Variants in PDE10A observed in about 807,000 individuals in gnomAD.
PDE10A encodes the protein phosphodiesterase 10A.
Under a neutral mutation model 97.7 loss-of-function variants are expected in PDE10A, and 39 were observed. The ratio of observed to expected loss-of-function variants is 0.40; its 90% CI spans 0.31 to 0.52. PDE10A has a LOEUF of 0.52. Among genes scored for constraint, PDE10A ranks in the 20% least tolerant of loss-of-function variants. PDE10A has a pLI of 0.56. For synonymous variants in PDE10A, 371 were observed against 376.8 expected, an observed-to-expected ratio of 0.98 and a Z score of 0.18; for missense variants, 731 against 1,047.8, an observed-to-expected ratio of 0.70 and a Z score of 4.17.
At chr6:165,934,917 C>A (rs982723738) in intron 1 of PDE10A, among the ~76,000 whole-genome samples, 2 of 152,198 alleles carry the variant, frequency 1.3e-5, no homozygotes, top group African/African-American at 4.8e-5. Context: ...ATGGCACTAT[C>A]ATTTCCATTA....
At chr6:165,917,232 C>T (rs1421214339) in intron 1 of PDE10A, among the ~76,000 whole-genome samples, 1 of 152,166 alleles carries the variant, frequency 6.6e-6, no homozygotes, top group Non-Finnish European at 1.5e-5. Context: ...AAACCCTTCC[C>T]TAGGTGCCCG....
At chr6:165,647,649 C>T (rs1396671693) in intron 1 of PDE10A, among the ~76,000 whole-genome samples, 1 of 152,080 alleles carries the variant, frequency 6.6e-6, no homozygotes, top group African/African-American at 2.4e-5. Flanking sequence ...CTGATATCAG[C>T]GTTTCCAGAA....
chr6:165,843,115 T>A lies in PDE10A; in HGVS notation c.-615+144414A>T, dbSNP rs144013237. Among the ~76,000 whole-genome samples the A allele has an allele frequency of 4.4e-3, 673 of 152,296 alleles. 6 individuals carry two copies. The highest frequency in any genetic ancestry group is 0.027 in the Middle Eastern group (8 of 294). ...GTAGGGTCAGCCAGCGCCCAGCCCCTGAGAAGGAAGTGACTTTGAGCAAGG... is the reference window on the plus strand; with the variant it reads ...GTAGGGTCAGCCAGCGCCCAGCCCCAGAGAAGGAAGTGACTTTGAGCAAGG... On this transcript the variant is annotated intron_variant, in intron 1 of 19. Transcript: ENST00000366882.
In PDE10A at chr6:165,943,175, AAAAGAAAGAAAGAAAGAAAGAAAGAAAG is replaced by A. The variant is rs1210872117; in HGVS notation, c.-615+44326_-615+44353del. 2.2e-4 allele frequency among the ~76,000 whole-genome samples: 15 copies of A among 68,488 alleles called. 1 individual carries two copies. The South Asian group carries it at 3.1e-3, about 14-fold the overall frequency. The allele number at this position is 68,488 out of a possible 152,430, so 44.9% of individuals were successfully genotyped here. A position where few individuals can be genotyped will look rare whatever the true frequency, so the allele number is the denominator to read the frequency against. ...AGAGAGAGAGAGAAGAAAGAAAGAA[AAAAGAAAGAAAGAAAGAAAGAAAGAAAG>A]AAAGAAAGAAAGAAAGAAAGAAAGA... is the stretch of plus-strand genomic sequence containing the variant. On this transcript the variant is annotated intron_variant, in intron 1 of 19. Transcript: ENST00000366882.
chr6:165,712,007 C>T (rs1791906722), intron 1 of PDE10A, among the ~76,000 whole-genome samples: 1 of 152,080 alleles, frequency 6.6e-6, no homozygotes. Context: ...CCTCACTGGT[C>T]TTTATTGCTG....
At chr6:165,897,119 G>A (rs1033831592) in intron 1 of PDE10A, among the ~76,000 whole-genome samples, 43 of 152,142 alleles carry the variant, frequency 2.8e-4, no homozygotes, top group African/African-American at 1.0e-3. Context: ...AAAAAAATAT[G>A]GAAAAGCAAA....
At chr6:165,747,685 G>A (rs1391336874) in intron 1 of PDE10A, among the ~76,000 whole-genome samples, 1 of 152,200 alleles carries the variant, frequency 6.6e-6, no homozygotes. Flanking sequence ...GAGCCAGTAG[G>A]TGGGTAGAAC....
At chr6:165,542,151 C>T (rs1186591727) in intron 2 of PDE10A, among the ~76,000 whole-genome samples, 2 of 152,060 alleles carry the variant, frequency 1.3e-5, no homozygotes, top group East Asian at 1.9e-4. Flanking sequence ...CCTCCTAGTT[C>T]TGTACATGTA....
intron 1 of PDE10A, among the ~76,000 whole-genome samples, chr6:165,698,772 T>C (rs994698137): frequency 2.0e-5 from 3 of 151,970 alleles, no homozygotes; most frequent in Non-Finnish European, 4.4e-5. Context: ...ACCCAGGAGG[T>C]GGAGGTTGCA....
At chr6:165,841,723 C>G (rs1217854025) in intron 1 of PDE10A, among the ~76,000 whole-genome samples, 1 of 152,218 alleles carries the variant, frequency 6.6e-6, no homozygotes, top group Non-Finnish European at 1.5e-5. Context: ...GACAGTGCTT[C>G]TCGGCCTAAG....
At chr6:165,342,579 T>C (rs1782035285) in intron 19 of PDE10A, among the ~76,000 whole-genome samples, 1 of 152,252 alleles carries the variant, frequency 6.6e-6, no homozygotes, top group Non-Finnish European at 1.5e-5. Flanking sequence ...TTGCTGTTTA[T>C]GTTTTACATA....
chr6:165,352,135 T>C (rs906491727), intron 18 of PDE10A, among the ~76,000 whole-genome samples: 1 of 152,244 alleles, frequency 6.6e-6, no homozygotes, highest in African/African-American at 2.4e-5. Context: ...ATTACAGGCA[T>C]GAGCCACTGC....
At chr6:165,348,108 A>G (rs1045149367) in intron 18 of PDE10A, among the ~76,000 whole-genome samples, 2 of 152,228 alleles carry the variant, frequency 1.3e-5, no homozygotes, top group African/African-American at 4.8e-5. Flanking sequence ...TTTGAAGGGT[A>G]CAAATATTAT....
At chr6:165,742,817 G>A (rs73788778) in intron 1 of PDE10A, among the ~76,000 whole-genome samples, 11,708 of 151,128 alleles carry the variant, frequency 0.077, 514 homozygotes, top group African/African-American at 0.12. Context: ...CTGAGGGAGG[G>A]GTTCATTTTC....
chr6:165,751,728 T>C (rs1472186667), intron 1 of PDE10A, among the ~76,000 whole-genome samples: 5 of 152,198 alleles, frequency 3.3e-5, no homozygotes, highest in Non-Finnish European at 7.3e-5. Context: ...AGCAGCGCTA[T>C]GACAATGTAC....
chr6:165,756,684 A>G (rs919884218), intron 1 of PDE10A, among the ~76,000 whole-genome samples: 2 of 152,162 alleles, frequency 1.3e-5, no homozygotes, highest in Admixed American at 1.3e-4. Context: ...CTGAATGTGC[A>G]CATGCGGCAG....
At chr6:165,499,547 C>T (rs1343377439) in intron 2 of PDE10A, among the ~76,000 whole-genome samples, 1 of 152,284 alleles carries the variant, frequency 6.6e-6, no homozygotes, top group South Asian at 2.1e-4. Context: ...AGCTCATGGA[C>T]AATTCTGAAT....
At position 165,379,079 on chromosome 6, in the gene PDE10A, A is replaced by C. The variant is rs563141980; in HGVS notation, c.2783+115T>G. 3.0e-5 allele frequency: 21 copies of C among 707,676 alleles called. No homozygotes were observed. The African/African-American group carries it at 3.7e-4, about 12-fold the overall frequency. The allele number at this position is 707,676 out of a possible 1,614,324, so 43.8% of individuals were successfully genotyped here. On this transcript the variant is annotated intron_variant, in intron 18 of 21. Coordinates refer to ENST00000539869, the MANE Select transcript of PDE10A (RefSeq NM_001385079.1). ...ATGTACATAAAGTGAAAAACATGTA[A>C]ATTTTTTACATTCCTTCTTTCAAAT...
At chr6:165,624,220 T>G (rs1788279556) in intron 1 of PDE10A, among the ~76,000 whole-genome samples, 2 of 152,196 alleles carry the variant, frequency 1.3e-5, no homozygotes. Flanking sequence ...AGGCTGGCTC[T>G]CCTGGGCTGG....
Sources: allele counts gnomAD v4.1 joint callset (sites outside exome capture counted in the v4.1 genomes callset), GRCh38; gene constraint gnomAD v4.1.1; transcripts MANE v1.5; gene names NCBI Gene and HGNC (gene_info 2026-07-23, HGNC 2026-07-21).